TM2D3: variants seen among roughly 807,000 people sequenced by gnomAD.
The protein encoded by TM2D3 is TM2 domain-containing protein 3.
In TM2D3, 33 loss-of-function variants were observed where a neutral mutation model predicts 27.3. The observed-to-expected ratio is 1.21, with a 90% CI of 0.92 to 1.61. The LOEUF (loss-of-function observed/expected upper bound fraction) is 1.61. Among genes scored for constraint, TM2D3 ranks in the 40% most tolerant of loss-of-function variants. TM2D3 has a pLI of 0.00. For synonymous variants in TM2D3, 138 were observed against 122.2 expected (o/e 1.13, Z -0.85); for missense variants, 364 against 320.8 (o/e 1.13, Z -1.03).
At chr15:101,637,657 T>C (rs1310762308), downstream of TM2D3, among the ~76,000 whole-genome samples, 1 of 152,180 alleles carries the variant, frequency 6.6e-6, no homozygotes, top group African/African-American at 2.4e-5. Flanking sequence ...AGTAGCTAAC[T>C]GTAACTCCAC....
At chr15:101,637,243 T>C (rs527717156), downstream of TM2D3, among the ~76,000 whole-genome samples, 2 of 152,250 alleles carry the variant, frequency 1.3e-5, no homozygotes, top group South Asian at 4.1e-4. Flanking sequence ...TGATAAGGGA[T>C]TGTGGAGACC....
chr15:101,648,804 A>C (rs1475578563), intron 3 of TM2D3, among the ~76,000 whole-genome samples: 1 of 151,918 alleles, frequency 6.6e-6, no homozygotes, highest in Non-Finnish European at 1.5e-5. Context: ...CTTCTTTTGA[A>C]TCTTTTGCTT....
At chr15:101,652,188 C>A (rs772504364) in intron 1 of TM2D3, 83 bp downstream of exon 1, 2 of 1,283,884 alleles carry the variant, frequency 1.6e-6, no homozygotes, top group Admixed American at 3.9e-5. Context: ...TCAGCGTCCG[C>A]CCGTGGGCCC....
rs755476588 is a variant in TM2D3 at position 101,652,378 on chromosome 15, C to A, written c.-17G>T. The A allele has an allele frequency of 1.9e-6, 3 of 1,575,910 alleles. No homozygotes were observed. Among genetic ancestry groups the A allele is most frequent in the Non-Finnish European group, 2.6e-6 (3 of 1,161,878 alleles). ...TCCCGCCATCTTGCCAGCGCCTGCGCACTTCCGGGCCGGGGGGCGGGGCGC... is the reference window on the plus strand; with the variant it reads ...TCCCGCCATCTTGCCAGCGCCTGCGAACTTCCGGGCCGGGGGGCGGGGCGC... On this transcript the variant is annotated 5_prime_UTR_variant, in exon 1 of 6. Coordinates refer to ENST00000333202, the MANE Select transcript of TM2D3 (RefSeq NM_078474.3).
chr15:101,644,977 G>A (rs1896766457), intron 5 of TM2D3, 110 bp downstream of exon 5: 7 of 932,688 alleles, frequency 7.5e-6, no homozygotes, highest in South Asian at 2.9e-5. Flanking sequence ...TCTAACACAC[G>A]TGGTAGGATC....
downstream of TM2D3, among the ~76,000 whole-genome samples, chr15:101,640,987 C>T (rs1896654443): frequency 1.3e-5 from 2 of 152,250 alleles, no homozygotes; most frequent in Admixed American, 1.3e-4. Flanking sequence ...ATACTTCCTA[C>T]TAACTTCCCA....
chr15:101,642,634 C>T lies in TM2D3; in HGVS notation c.589G>A (p.Gly197Ser), dbSNP rs773674127. 11 of 1,602,808 alleles carry T rather than the reference C, an allele frequency of 6.9e-6. No homozygotes were observed. The East Asian group carries it at 1.6e-4, about 23-fold the overall frequency. ...TAGAAACGGTCTGCTCCAAACCCAC[C>T]GAGGGTGATGCTGCGATGGCAAACA... Reference protein sequence around the residue: ...STALALSITLGGFGADRFYLG... With the variant: ...STALALSITLSGFGADRFYLG... The change falls in exon 6 of 6, where the codon GGT becomes AGT. Residue 197 changes from glycine (G) to serine (S), a missense_variant. Gly to Ser is a moderately conservative substitution (Grantham distance 56). Coordinates refer to ENST00000333202, the MANE Select transcript of TM2D3 (RefSeq NM_078474.3).
intron 4 of TM2D3, chr15:101,633,739 AAAG>A (rs924484985): frequency 4.3e-5 from 66 of 1,527,102 alleles, no homozygotes; most frequent in Admixed American, 9.9e-5. Flanking sequence ...CTATACCCAA[AAAG>A]AAGAAGAATT....
intron 4 of TM2D3, chr15:101,636,053 A>G (rs966663326): frequency 1.3e-5 from 2 of 152,044 alleles, no homozygotes; most frequent in South Asian, 4.1e-4. Context: ...TTCCCTTAGC[A>G]CCGTGTTTTT....
At chr15:101,636,709 GT>G in intron 4 of TM2D3, 1 of 211,380 alleles carries the variant, frequency 4.7e-6, no homozygotes, top group Non-Finnish European at 1.0e-5. Flanking sequence ...AAGTCACATG[GT>G]AACTCTATGT....
At chr15:101,637,109 G>A (rs1410757488), downstream of TM2D3, among the ~76,000 whole-genome samples, 2 of 152,226 alleles carry the variant, frequency 1.3e-5, no homozygotes, top group Non-Finnish European at 2.9e-5. Flanking sequence ...CATCTGGAAA[G>A]GCAGGACAGC....
chr15:101,646,790 G>T lies in TM2D3; in HGVS notation c.437C>A (p.Thr146Lys). The T allele has an allele frequency of 6.2e-7, 1 of 1,614,208 alleles. No homozygotes were observed. ...YECTNSTSCM[T>K]VSCPRQRYPA... ...GTAGCGCTGCCGAGGACAGGACACC[G>T]TCATGCAGCTGGTGGAGTTGGTACA... Residue 146 changes from threonine (T) to lysine (K), a missense_variant, in exon 4 of 6, where the codon ACG (threonine) becomes AAG (lysine). By Grantham distance (78) the Thr-to-Lys change is moderately conservative. Coordinates refer to ENST00000333202, the MANE Select transcript of TM2D3 (RefSeq NM_078474.3).
intron 3 of TM2D3, 140 bp downstream of exon 3, chr15:101,649,864 C>A: frequency 1.3e-6 from 1 of 796,914 alleles, no homozygotes; most frequent in South Asian, 1.8e-5. Flanking sequence ...TAATTTATTT[C>A]TGCTTACATA....
chr15:101,649,502 T>C (rs1896912058), intron 3 of TM2D3, among the ~76,000 whole-genome samples: 1 of 152,232 alleles, frequency 6.6e-6, no homozygotes, highest in African/African-American at 2.4e-5. Flanking sequence ...ATCTGGAATT[T>C]ATTCTGGATA....
chr15:101,647,049 A>C (rs184564803), intron 3 of TM2D3, 150 bp from the exon 4 acceptor site: 1 of 732,858 alleles, frequency 1.4e-6, no homozygotes, highest in East Asian at 2.7e-5. Context: ...TACCAAAACA[A>C]TATGTATGTA....
chr15:101,647,133 T>C (rs1346991568), intron 3 of TM2D3, among the ~76,000 whole-genome samples: 1 of 152,202 alleles, frequency 6.6e-6, no homozygotes. Flanking sequence ...GGGAAAAAAC[T>C]AGATAAATTC....
At chr15:101,643,623 GC>G (rs1567311259) in intron 5 of TM2D3, among the ~76,000 whole-genome samples, 99 of 62,578 alleles carry the variant, frequency 1.6e-3, no homozygotes, top group African/African-American at 2.9e-3. Context: ...AAAAAAAAAA[GC>G]AAAAAAAAAA....
Position 101,645,133 on chromosome 15 carries a change from A to C in TM2D3, c.532T>G (p.Cys178Gly), listed in dbSNP as rs758747386. The C allele has an allele frequency of 6.2e-7, 1 of 1,613,578 alleles. No individual in the cohort carries two copies. The highest frequency in any genetic ancestry group is 2.2e-5 in the East Asian group (1 of 44,878). ...GNRTFPKMLY[C>G]NWTGGYKWST... Reference sequence around the variant, plus strand: ...CACTTATAGCCTCCAGTCCAATTGCAATATAGCATTTTGGGAAAAGTACGG... The same window carrying C: ...CACTTATAGCCTCCAGTCCAATTGCCATATAGCATTTTGGGAAAAGTACGG... The change falls in exon 5 of 6, where the codon TGC becomes GGC. Residue 178 changes from cysteine to glycine, a missense_variant. Physicochemically the swap from Cys to Gly is radical, Grantham distance 159. Transcript: ENST00000333202.
At chr15:101,640,225 C>G (rs961484653), downstream of TM2D3, among the ~76,000 whole-genome samples, 1 of 152,106 alleles carries the variant, frequency 6.6e-6, no homozygotes, top group African/African-American at 2.4e-5. Flanking sequence ...ATGATGGTAT[C>G]AGGAGGTGGG....
Sources: allele counts gnomAD v4.1 joint callset (sites outside exome capture counted in the v4.1 genomes callset), GRCh38; gene constraint gnomAD v4.1.1; transcripts MANE v1.5; gene names NCBI Gene and HGNC (gene_info 2026-07-23, HGNC 2026-07-21).